RPH3AL: variants seen among roughly 807,000 people sequenced by gnomAD.
RPH3AL encodes rabphilin 3A like (without C2 domains), also known as rab effector Noc2.
RPH3AL carries 38 observed loss-of-function variants against 43.1 expected under a neutral mutation model. That is an observed-to-expected ratio of 0.88 (90% confidence interval 0.68 to 1.15). The LOEUF is 1.15. Ranked by LOEUF, RPH3AL falls within the 50% of genes most tolerant of loss-of-function variation. RPH3AL has a pLI of 0.00. For synonymous variants in RPH3AL, 189 were observed against 176.3 expected, an observed-to-expected ratio of 1.07 and a Z score of -0.57; for missense variants, 462 against 423.2, an observed-to-expected ratio of 1.09 and a Z score of -0.81.
intron 5 of RPH3AL, among the ~76,000 whole-genome samples, chr17:309,105 T>C (rs764485870): frequency 1.3e-5 from 2 of 152,150 alleles, no homozygotes; most frequent in Non-Finnish European, 1.5e-5. Flanking sequence ...GAGACCAGCC[T>C]GGGCAACATA....
At chr17:321,170 A>G (rs1025016639) in intron 4 of RPH3AL, 102 bp downstream of exon 4, 1 of 1,418,430 alleles carries the variant, frequency 7.1e-7, no homozygotes, top group Admixed American at 1.9e-5. Context: ...TCCCAGAGGT[A>G]AATAGCAAAA....
chr17:343,400 C>T (rs925351287), intron 1 of RPH3AL, among the ~76,000 whole-genome samples: 1 of 152,220 alleles, frequency 6.6e-6, no homozygotes, highest in African/African-American at 2.4e-5. Flanking sequence ...AGCAGGCGCT[C>T]AACCCTGTCA....
At chr17:286,029 C>T (rs1252029695) in intron 5 of RPH3AL, among the ~76,000 whole-genome samples, 1 of 152,210 alleles carries the variant, frequency 6.6e-6, no homozygotes, top group Non-Finnish European at 1.5e-5. Flanking sequence ...AACACTTGCT[C>T]CGATGTCCCC....
intron 7 of RPH3AL, among the ~76,000 whole-genome samples, chr17:227,431 G>C (rs1313537551): frequency 2.6e-5 from 4 of 152,080 alleles, no homozygotes; most frequent in Admixed American, 6.6e-5. Flanking sequence ...TGGTCCAGGG[G>C]ACAGGCGTCA....
chr17:336,402 CCA>C (rs1275463994), intron 1 of RPH3AL, among the ~76,000 whole-genome samples: 2 of 152,180 alleles, frequency 1.3e-5, no homozygotes, highest in Admixed American at 1.3e-4. Context: ...CGAGTGGATT[CCA>C]GAGTTGAAGC....
At chr17:299,426 T>C (rs1242103623) in intron 5 of RPH3AL, among the ~76,000 whole-genome samples, 1 of 141,996 alleles carries the variant, frequency 7.0e-6, no homozygotes, top group Non-Finnish European at 1.5e-5. Context: ...GGGCCTCTGG[T>C]GAGGGCCTGA....
At chr17:216,380 G>A (rs563847178) in intron 8 of RPH3AL, among the ~76,000 whole-genome samples, 1 of 148,432 alleles carries the variant, frequency 6.7e-6, no homozygotes, top group Admixed American at 6.8e-5. Flanking sequence ...GAATGGGGGT[G>A]GGGGTGGGGG....
chr17:219,446 C>T (rs1427144671), intron 8 of RPH3AL, among the ~76,000 whole-genome samples, 177 bp downstream of exon 8: 3 of 151,184 alleles, frequency 2.0e-5, no homozygotes, highest in South Asian at 2.1e-4. Flanking sequence ...ATCTGCCCAC[C>T]CCGGCCTCCT....
chr17:281,908 C>T lies in RPH3AL; in HGVS notation c.352-54G>A, dbSNP rs139332362. 2.8e-4 allele frequency: 383 copies of T among 1,379,788 alleles called. 1 individual carries two copies. In the East Asian group the frequency reaches 8.5e-3, roughly 30 times the overall value. The allele number at this position is 1,379,788 out of a possible 1,614,324, so 85.5% of individuals were successfully genotyped here. The stretch of plus-strand genomic sequence containing the variant: ...AGATTGCAGCCGCTTCCTCCTCCGC[C>T]GAGGGGCTCAGACAACTGTAACGAA... On this transcript the variant is annotated intron_variant, in intron 5 of 9. Transcript: ENST00000331302.
chr17:331,442 G>A (rs1199136881), intron 2 of RPH3AL: 3 of 609,470 alleles, frequency 4.9e-6, no homozygotes, highest in African/African-American at 1.9e-5. Context: ...CGGACATGAG[G>A]ACCCAGGAGA....
intron 7 of RPH3AL, among the ~76,000 whole-genome samples, chr17:237,810 C>T (rs2041434434): frequency 6.6e-6 from 1 of 152,164 alleles, no homozygotes; most frequent in Non-Finnish European, 1.5e-5. Context: ...GGCTTCAGGC[C>T]CCTGGTGTCA....
chr17:239,486 G>A (rs911462482), intron 7 of RPH3AL, among the ~76,000 whole-genome samples: 13 of 152,190 alleles, frequency 8.5e-5, no homozygotes, highest in Admixed American at 5.9e-4. Flanking sequence ...TATTCCACTC[G>A]TCTGTTTATT....
intron 7 of RPH3AL, among the ~76,000 whole-genome samples, chr17:226,079 G>T (rs891648081): frequency 1.3e-5 from 2 of 152,260 alleles, no homozygotes; most frequent in Non-Finnish European, 2.9e-5. Context: ...AACCCTGGAG[G>T]TGGAGTTAGG....
rs927513306 is a variant in RPH3AL, at chr17:222,051, A to C, written c.614-2315T>G. 2.6e-5 allele frequency among the ~76,000 whole-genome samples: 4 copies of C among 151,524 alleles called. No homozygotes were observed. The East Asian group carries it at 7.8e-4, about 29-fold the overall frequency. Reference sequence around the variant, plus strand: ...CACAACAGCTCTGAGGCCTCCACTCACTGAGACAATAGGCCCAAGAACAAC... The same window carrying C: ...CACAACAGCTCTGAGGCCTCCACTCCCTGAGACAATAGGCCCAAGAACAAC... On this transcript the variant is annotated intron_variant, in intron 7 of 9. Transcript: ENST00000331302.
At chr17:235,679 TCTACACTAACAAGACAGGTC>T (rs757749294) in intron 7 of RPH3AL, among the ~76,000 whole-genome samples, 33,702 of 100,274 alleles carry the variant, frequency 0.34, 9,330 homozygotes, top group Admixed American at 0.39. Context: ...CAGCGGAGGC[TCTACACTAACAAGACAGGTC>T]CCGGGTTCAA....
chr17:295,902 G>T (rs201711819), intron 5 of RPH3AL, among the ~76,000 whole-genome samples: 916 of 114,214 alleles, frequency 8.0e-3, no homozygotes, highest in East Asian at 0.071. Context: ...AGAAATGGAT[G>T]GACAGAGGGA....
At chr17:352,241 C>T (rs972399404) in intron 1 of RPH3AL, among the ~76,000 whole-genome samples, 1 of 152,202 alleles carries the variant, frequency 6.6e-6, no homozygotes, top group Non-Finnish European at 1.5e-5. Flanking sequence ...ATACAAACAG[C>T]TCTCCAACAG....
chr17:242,321 C>T (rs879971377), intron 7 of RPH3AL, among the ~76,000 whole-genome samples: 19 of 124,596 alleles, frequency 1.5e-4, no homozygotes, highest in Non-Finnish European at 2.9e-4. Flanking sequence ...TATTGACTAC[C>T]TTCCTCTATT....
intron 5 of RPH3AL, among the ~76,000 whole-genome samples, chr17:292,668 G>T (rs968034430): frequency 1.3e-5 from 2 of 152,024 alleles, no homozygotes; most frequent in Non-Finnish European, 2.9e-5. Flanking sequence ...CTCCCGCCTG[G>T]ACCCAACTTC....
Sources: allele counts gnomAD v4.1 joint callset (sites outside exome capture counted in the v4.1 genomes callset), GRCh38; gene constraint gnomAD v4.1.1; transcripts MANE v1.5; gene names NCBI Gene and HGNC (gene_info 2026-07-23, HGNC 2026-07-21).